ZNF462: variants seen among roughly 807,000 people sequenced by gnomAD.
ZNF462 encodes the protein zinc finger protein 462.
In ZNF462, 10 loss-of-function variants were observed where a neutral mutation model predicts 201.9. That is an observed-to-expected ratio of 0.05 (90% CI 0.03 to 0.08). The LOEUF is 0.08. Ranked by LOEUF, ZNF462 falls within the 10% of genes least tolerant of loss-of-function variation. ZNF462 has a pLI of 1.00. For missense variants in ZNF462, 2,523 were observed against 3,168.3 expected, an observed-to-expected ratio of 0.80 and a Z score of 4.89; for synonymous variants, 1,227 against 1,193.3, an observed-to-expected ratio of 1.03 and a Z score of -0.58.
At chr9:106,996,271 A>G (rs1300546692) in intron 10 of ZNF462, among the ~76,000 whole-genome samples, 3 of 151,546 alleles carry the variant, frequency 2.0e-5, no homozygotes, top group Non-Finnish European at 3.0e-5. Context: ...TGCCACAATA[A>G]ACATACGTGT....
At chr9:106,936,856 G>C (rs1189574748) in intron 6 of ZNF462, among the ~76,000 whole-genome samples, 4 of 152,210 alleles carry the variant, frequency 2.6e-5, no homozygotes, top group Non-Finnish European at 1.5e-5. Flanking sequence ...GTATTAAGCT[G>C]AAGTGTCTGC....
At position 106,928,671 on chromosome 9, in the gene ZNF462, G is replaced by A. The variant is rs374327537; in HGVS notation, c.4759G>A (p.Gly1587Ser). 6.8e-6 allele frequency: 11 copies of A among 1,614,010 alleles called. No homozygotes were observed. Among genetic ancestry groups the A allele is most frequent in the Non-Finnish European group, 8.5e-6 (10 of 1,180,040 alleles). The part of the protein sequence containing the change: ...YRCKLCPYTH[G>S]TLEKLKIHYE... ...GTGCAAACTGTGTCCGTACACACAC[G>A]GCACTTTGGAGAAACTAAAAATCCA... Residue 1587 changes from glycine to serine, a missense_variant, in exon 3 of 13, where the codon GGC (glycine) becomes AGC (serine). By Grantham distance (56) the Gly-to-Ser change is moderately conservative. Around this residue, in one of 15 missense-constraint regions of ZNF462, gnomAD observed 200 missense variants for 281.3 expected, o/e 0.71. Transcript: ENST00000277225. This position sits in a 1 kb window ranked among gnomAD's most constrained non-coding sequence, Gnocchi z 9.3.
At chr9:106,860,296 TC>T (rs1474707151), upstream of ZNF462, among the ~76,000 whole-genome samples, 2 of 152,126 alleles carry the variant, frequency 1.3e-5, no homozygotes, top group Non-Finnish European at 1.5e-5. This position sits in a 1 kb window ranked among gnomAD's most constrained non-coding sequence, Gnocchi z 7.1. Flanking sequence ...GCCAGCCGCT[TC>T]CCCGGTCTTT....
chr9:106,897,289 T>C (rs1303319883), intron 1 of ZNF462, among the ~76,000 whole-genome samples: 1 of 152,168 alleles, frequency 6.6e-6, no homozygotes, highest in African/African-American at 2.4e-5. Context: ...TTGCAACTTA[T>C]TTTTTCACTT....
At chr9:106,944,494 A>G (rs939705784) in intron 7 of ZNF462, among the ~76,000 whole-genome samples, 4 of 152,194 alleles carry the variant, frequency 2.6e-5, no homozygotes, top group African/African-American at 9.6e-5. Context: ...AATTTGATAC[A>G]TGCATATGAT....
intron 1 of ZNF462, among the ~76,000 whole-genome samples, chr9:106,918,612 G>C (rs1829873586): frequency 6.6e-6 from 1 of 152,098 alleles, no homozygotes; most frequent in African/African-American, 2.4e-5. Flanking sequence ...AAGTTTACTA[G>C]TGCCTTTTTA....
rs768823395 is a variant in ZNF462 at position 107,013,132 on chromosome 9, G to C, written c.*2102G>C. ...AAGAAAGAAAAAGGAAAAAAAAAAA[G>C]AAAATAATTGTGACATGCTTTTATC... On this transcript the variant is annotated 3_prime_UTR_variant, in exon 13 of 13. Transcript: ENST00000277225. The C allele has an allele frequency of 6.7e-5, 10 of 149,196 alleles. No homozygotes were observed. Among genetic ancestry groups the C allele is most frequent in the Non-Finnish European group, 1.0e-4 (7 of 67,604 alleles). 9.2% of individuals were successfully genotyped at this position (149,196 alleles called of 1,614,324 possible).
At position 106,972,178 on chromosome 9, in the gene ZNF462, G is replaced by A. The variant is rs1240557088; in HGVS notation, c.6601G>A (p.Gly2201Ser). 8 of 1,614,026 alleles carry A rather than the reference G, an allele frequency of 5.0e-6. No individual in the cohort carries two copies. The highest frequency in any genetic ancestry group is 2.2e-5 in the East Asian group (1 of 44,884). Residue 2201 changes from glycine to serine, a missense_variant, in exon 8 of 13, where the codon GGC (glycine) becomes AGC (serine). Around this residue, in one of 15 missense-constraint regions of ZNF462, gnomAD observed 228 missense variants for 361.2 expected, o/e 0.63. Coordinates refer to ENST00000277225, the MANE Select transcript of ZNF462 (RefSeq NM_021224.6). The surrounding 1 kb of genome is among the most constrained non-coding windows in gnomAD (Gnocchi z 4.8). ...CTGCGAATTCTGTGAATTCTCCTCC[G>A]GCTACATCCAGAGCATCAGGCGTCA... ...LHCEFCEFSS[G>S]YIQSIRRHYR...
At chr9:106,940,393 A>G (rs1830817760) in intron 7 of ZNF462, among the ~76,000 whole-genome samples, 1 of 152,198 alleles carries the variant, frequency 6.6e-6, no homozygotes, top group African/African-American at 2.4e-5. Flanking sequence ...GAGACTCTTC[A>G]GATAACCTGA....
chr9:106,863,106 G>A (rs1338750229), upstream of ZNF462: 2 of 397,858 alleles, frequency 5.0e-6, no homozygotes, highest in African/African-American at 4.1e-5. Context: ...GGGAGAGGGA[G>A]GGAGGGAGAG....
Position 106,928,826 on chromosome 9 carries a change from G to A in ZNF462, c.4914G>A (p.Glu1638=). 1 of 1,614,094 alleles carries A rather than the reference G, an allele frequency of 6.2e-7. No homozygotes were observed. Among genetic ancestry groups the A allele is most frequent in the Non-Finnish European group, 8.5e-7 (1 of 1,180,040 alleles). Residue 1638 remains glutamate, a synonymous_variant, in exon 3 of 13, where the codon GAG becomes GAA. Coordinates refer to ENST00000277225, the MANE Select transcript of ZNF462 (RefSeq NM_021224.6). This position sits in a 1 kb window ranked among gnomAD's most constrained non-coding sequence, Gnocchi z 9.3. ...CCCAAGTCTCCATCACTGAGGAGGA[G>A]GTGGGAGAGGAGCCCGTGTCCACTT... is the stretch of plus-strand genomic sequence containing the variant. ...SPSQVSITEE[E]VGEEPVSTSH...
chr9:107,012,175 G>C lies in ZNF462; in HGVS notation c.*1145G>C, dbSNP rs1269270160. ...CTTTCGGCACAGCTATGCAGCTTGT[G>C]GGCCAGACGAGGAGGTCCTCCTCAC... On this transcript the variant is annotated 3_prime_UTR_variant, in exon 13 of 13. Transcript: ENST00000277225. The C allele has an allele frequency of 2.7e-5, 4 of 145,572 alleles. No individual in the cohort carries two copies. The highest frequency in any genetic ancestry group is 1.0e-4 in the African/African-American group (4 of 39,694). The allele number at this position is 145,572 out of a possible 1,614,324, so 9.0% of individuals were successfully genotyped here.
At chr9:106,882,134 A>G (rs1464410969) in intron 1 of ZNF462, among the ~76,000 whole-genome samples, 1 of 152,186 alleles carries the variant, frequency 6.6e-6, no homozygotes, top group Non-Finnish European at 1.5e-5. Flanking sequence ...GATCTTATTC[A>G]GTTAAAATTT....
In ZNF462 at chr9:106,890,073, C is replaced by T. The variant is rs770211061; in HGVS notation, c.-31+26718C>T. ...TAGAGCTTGACTCCACCTTACTTTC[C>T]GGCTGCCATCCAGTTAACATACCCA... On this transcript the variant is annotated intron_variant, in intron 1 of 12. Coordinates refer to ENST00000277225, the MANE Select transcript of ZNF462 (RefSeq NM_021224.6). The surrounding 1 kb of genome is among the most constrained non-coding windows in gnomAD (Gnocchi z 4.2). Among the ~76,000 whole-genome samples the T allele has an allele frequency of 2.0e-5, 3 of 150,546 alleles. No homozygotes were observed. The highest frequency in any genetic ancestry group is 3.0e-5 in the Non-Finnish European group (2 of 67,440).
intron 10 of ZNF462, among the ~76,000 whole-genome samples, chr9:106,987,375 G>C (rs1403507592): frequency 6.6e-6 from 1 of 152,134 alleles, no homozygotes; most frequent in Admixed American, 6.5e-5. Context: ...GAAGTAAGGT[G>C]GTATTGCATT....
intron 6 of ZNF462, among the ~76,000 whole-genome samples, chr9:106,936,251 G>A (rs1402086667): frequency 6.6e-6 from 1 of 152,180 alleles, no homozygotes; most frequent in African/African-American, 2.4e-5. Context: ...GATGTGTCAT[G>A]ACCCTTACCC....
upstream of ZNF462, chr9:106,863,140 T>TCAGGTC (rs1441809484): frequency 2.5e-6 from 1 of 396,150 alleles, no homozygotes; most frequent in Non-Finnish European, 4.4e-6. Context: ...GAGAGACGGA[T>TCAGGTC]ATCTCAGGTC....
chr9:106,927,761 T>C lies in ZNF462; in HGVS notation c.3849T>C (p.His1283=), dbSNP rs746284513. The C allele has an allele frequency of 6.2e-7, 1 of 1,614,024 alleles. No homozygotes were observed. Among genetic ancestry groups the C allele is most frequent in the Admixed American group, 1.7e-5 (1 of 60,000 alleles). ...TSPYFYALRK[H]IKKDHPALKA... ...CCTACTTCTATGCACTGAGGAAGCA[T>C]ATCAAGAAAGACCACCCCGCCCTGA... The change falls in exon 3 of 13, where the codon CAT becomes CAC. Residue 1283 remains histidine (H), a synonymous_variant. Coordinates refer to ENST00000277225, the MANE Select transcript of ZNF462 (RefSeq NM_021224.6).
rs1390574814 is a variant in ZNF462 at position 106,932,218 on chromosome 9, A to G, written c.6013-228A>G. On this transcript the variant is annotated intron_variant, in intron 4 of 12. Transcript: ENST00000277225. This position sits in a 1 kb window ranked among gnomAD's most constrained non-coding sequence, Gnocchi z 6.8. ...AAAGCTGGAGGCAATGATGATGGAT[A>G]TTTATTTTGTTGGTGGGGCATGTGT... 6.5e-7 allele frequency: 1 copy of G among 1,545,726 alleles called. No homozygotes were observed. The highest frequency in any genetic ancestry group is 8.7e-7 in the Non-Finnish European group (1 of 1,145,850).
Sources: gnomAD v4.1 joint callset for allele counts (sites outside exome capture counted in the v4.1 genomes callset) on GRCh38, gnomAD v4.1.1 for gene constraint, gnomAD v4.1.1 regional missense constraint, Gnocchi (gnomAD v3.1) non-coding constraint, MANE v1.5 for transcripts, NCBI Gene and HGNC (gene_info 2026-07-23, HGNC 2026-07-21) for gene names.